TRPV1: variants seen among roughly 807,000 people sequenced by gnomAD.
TRPV1 encodes OTRPC1.
Under a neutral mutation model 82.3 loss-of-function variants are expected in TRPV1, and 82 were observed. That is an observed-to-expected ratio of 1.00 (90% CI 0.83 to 1.20). The LOEUF (loss-of-function observed/expected upper bound fraction) is 1.20. Among genes scored for constraint, TRPV1 ranks in the 50% most tolerant of loss-of-function variants. The pLI, the probability that TRPV1 is intolerant of heterozygous loss-of-function variation, is 0.00. For missense variants in TRPV1, 1,067 were observed against 1,096.8 expected, an observed-to-expected ratio of 0.97 and a Z score of 0.38; for synonymous variants, 515 against 467.7, an observed-to-expected ratio of 1.10 and a Z score of -1.30.
chr17:3,577,947 G>C (rs573436032), intron 11 of TRPV1, 184 bp from the exon 12 acceptor site: 20 of 592,942 alleles, frequency 3.4e-5, no homozygotes, highest in Non-Finnish European at 5.6e-5. Context: ...CCAAGGAGCA[G>C]AAATTGGCTT....
At chr17:3,573,541 AC>A in intron 14 of TRPV1, 91 bp downstream of exon 14, 1 of 137,138 alleles carries the variant, frequency 7.3e-6, no homozygotes, top group African/African-American at 9.2e-5. Context: ...CGCCCCCACC[AC>A]CCACCCACCT....
chr17:3,591,718 C>T (rs771919103), intron 3 of TRPV1, among the ~76,000 whole-genome samples: 7 of 152,186 alleles, frequency 4.6e-5, no homozygotes, highest in Non-Finnish European at 1.0e-4. Flanking sequence ...TGGCCTCACA[C>T]TCCCCAGAAG....
chr17:3,589,400 C>G (rs184404002), intron 7 of TRPV1, among the ~76,000 whole-genome samples: 6 of 151,984 alleles, frequency 3.9e-5, no homozygotes, highest in Admixed American at 3.9e-4. Context: ...AGAGGTTTCA[C>G]CAGGTTGGTC....
chr17:3,592,804 G>A (rs912031677), intron 2 of TRPV1: 4 of 176,576 alleles, frequency 2.3e-5, no homozygotes, highest in Admixed American at 2.2e-4. Flanking sequence ...AATTCAGGGA[G>A]GATCTCGGTG....
chr17:3,583,681 C>G (rs558481420), intron 9 of TRPV1, among the ~76,000 whole-genome samples: 3 of 152,350 alleles, frequency 2.0e-5, no homozygotes, highest in Non-Finnish European at 4.4e-5. Context: ...CAAGCAATGT[C>G]CCGGCAGGCC....
At chr17:3,601,384 C>A (rs1383775369) in intron 2 of TRPV1, among the ~76,000 whole-genome samples, 1 of 151,952 alleles carries the variant, frequency 6.6e-6, no homozygotes, top group Admixed American at 6.6e-5. Context: ...ACCCCCGCAC[C>A]CTGAGCCCAC....
chr17:3,607,912 G>A (rs1212898791), intron 2 of TRPV1, among the ~76,000 whole-genome samples: 2 of 152,116 alleles, frequency 1.3e-5, no homozygotes, highest in African/African-American at 4.8e-5. Flanking sequence ...AGTTTGAGGT[G>A]TGACAGCAAA....
rs2075135475 is a variant in TRPV1, at chr17:3,589,969, C to T, written c.882G>A (p.Glu294=). ...VGNTVLHALV[E]VADNTADNTK... is the part of the protein sequence containing the mutation. ...TGTTGTCGGCCGTGTTGTCGGCCACCTCCACCAGGGCGTGCAGCACCGTGT... is the reference window on the plus strand; with the variant it reads ...TGTTGTCGGCCGTGTTGTCGGCCACTTCCACCAGGGCGTGCAGCACCGTGT... The change falls in exon 7 of 17, where the codon GAG becomes GAA. Residue 294 remains glutamate (E), a synonymous_variant. Coordinates refer to ENST00000572705, the MANE Select transcript of TRPV1 (RefSeq NM_080704.4). 1 of 1,562,722 alleles carries T rather than the reference C, an allele frequency of 6.4e-7. No homozygotes were observed. The highest frequency in any genetic ancestry group is 8.7e-7 in the Non-Finnish European group (1 of 1,153,988).
intron 13 of TRPV1, 106 bp from the exon 14 acceptor site, chr17:3,574,061 G>A: frequency 2.9e-6 from 3 of 1,039,720 alleles, no homozygotes; most frequent in Non-Finnish European, 4.1e-6. Flanking sequence ...TTTGTGACAA[G>A]TTATTTTTAA....
At position 3,573,532 on chromosome 17, in the gene TRPV1, G is replaced by GCCCCACCCCCCCCC; in HGVS notation, c.2103+100_2103+101insGGGGGGGGGTGGGG. The GCCCCACCCCCCCCC allele has an allele frequency of 1.6e-5, 4 of 257,074 alleles. 2 individuals carry two copies. Among genetic ancestry groups the GCCCCACCCCCCCCC allele is most frequent in the Non-Finnish European group, 3.1e-5 (4 of 130,288 alleles). 15.9% of individuals were successfully genotyped at this position (257,074 alleles called of 1,614,324 possible). A position where few individuals can be genotyped will look rare whatever the true frequency, so the allele number is the denominator to read the frequency against. ...GCCCATACCCTCCTGGCCACACACC[G>GCCCCACCCCCCCCC]CCCCCACCACCCACCCACCTGCAGC... On this transcript the variant is annotated intron_variant, in intron 14 of 16. Transcript: ENST00000572705.
In TRPV1 at chr17:3,576,675, A is replaced by ATATATATG. The variant is rs1555549469; in HGVS notation, c.1780+450_1780+451insCATATATA. Among the ~76,000 whole-genome samples, 7 of 108,784 alleles carry ATATATATG rather than the reference A, an allele frequency of 6.4e-5. No homozygotes were observed. In the East Asian group the frequency reaches 1.1e-3, roughly 17 times the overall value. 71.4% of individuals were successfully genotyped at this position (108,784 alleles called of 152,430 possible). A position where few individuals can be genotyped will look rare whatever the true frequency, so the allele number is the denominator to read the frequency against. ...TGAGAAAAAAAAAAAAAAAATATATATATATATATATATATGCATAAAAAC... is the reference window on the plus strand; with the variant it reads ...TGAGAAAAAAAAAAAAAAAATATATATATATATGTATATATATATATATGCATAAAAAC... On this transcript the variant is annotated intron_variant, in intron 13 of 16. Coordinates refer to ENST00000572705, the MANE Select transcript of TRPV1 (RefSeq NM_080704.4).
Position 3,572,156 on chromosome 17 carries a change from G to T in TRPV1, c.2197C>A (p.Pro733Thr), listed in dbSNP as rs1488272423. The T allele has an allele frequency of 1.2e-6, 2 of 1,613,738 alleles. No homozygotes were observed. Among genetic ancestry groups the T allele is most frequent in the Admixed American group, 1.7e-5 (1 of 59,996 alleles). Residue 733 changes from proline to threonine, a missense_variant, in exon 15 of 17, where the codon CCT becomes ACT. Pro to Thr is a conservative substitution (Grantham distance 38). Transcript: ENST00000572705. ...SGKLLQVGYT[P>T]DGKDDYRWCF... The stretch of plus-strand genomic sequence containing the variant: ...CACCGGTAGTCGTCCTTGCCATCAG[G>T]TGTGTACCCCACCTGCAGCAGCTTG...
chr17:3,606,966 C>T (rs1383198685), intron 2 of TRPV1, among the ~76,000 whole-genome samples: 1 of 152,186 alleles, frequency 6.6e-6, no homozygotes, highest in Non-Finnish European at 1.5e-5. Flanking sequence ...ACAAAGGACG[C>T]TGGTAAACTC....
intron 2 of TRPV1, among the ~76,000 whole-genome samples, chr17:3,593,450 CA>C (rs1392230199): frequency 6.6e-6 from 1 of 152,148 alleles, no homozygotes; most frequent in Non-Finnish European, 1.5e-5. Context: ...GCCCCATCCC[CA>C]TGCTTCCCCT....
chr17:3,582,851 T>TCAGGAGGGTGAGG (rs60876781), intron 10 of TRPV1, among the ~76,000 whole-genome samples: 1 of 150,554 alleles, frequency 6.6e-6, no homozygotes, highest in East Asian at 2.0e-4. Context: ...TCCCAGCTAC[T>TCAGGAGGGTGAGG]CAGGAGAATT....
rs2074893383 is a variant in TRPV1 at position 3,573,854 on chromosome 17, A to G, written c.1882T>C (p.Tyr628His). 6.2e-7 allele frequency: 1 copy of G among 1,604,130 alleles called. No homozygotes were observed. The highest frequency in any genetic ancestry group is 8.5e-7 in the Non-Finnish European group (1 of 1,174,336). ...GPACRPPDSS[Y>H]NSLYSTCLEL... ...AGGCAGGTGGAGTACAGGCTGTTGTAGGAGCTATCGGGGGGCCTGCAGGCA... is the reference window on the plus strand; with the variant it reads ...AGGCAGGTGGAGTACAGGCTGTTGTGGGAGCTATCGGGGGGCCTGCAGGCA... The change falls in exon 14 of 17, where the codon TAC becomes CAC. Residue 628 changes from tyrosine to histidine, a missense_variant. Physicochemically the swap from Tyr to His is moderately conservative, Grantham distance 83 (BLOSUM62 2). Transcript: ENST00000572705.
intron 10 of TRPV1, among the ~76,000 whole-genome samples, chr17:3,582,113 C>A (rs1204482420): frequency 6.9e-6 from 1 of 145,852 alleles, no homozygotes; most frequent in Non-Finnish European, 1.5e-5. Flanking sequence ...TGGCGTGAAC[C>A]CAGGAGGCGG....
intron 2 of TRPV1, chr17:3,597,041 G>GCCCGGC (rs2075226300): frequency 6.6e-6 from 1 of 152,360 alleles, no homozygotes; most frequent in African/African-American, 2.4e-5. Flanking sequence ...GGGGTCCCGG[G>GCCCGGC]CCCGGCCCTG....
chr17:3,577,173 C>T lies in TRPV1; in HGVS notation c.1733G>A (p.Cys578Tyr), dbSNP rs2074944332. 6 of 1,585,146 alleles carry T rather than the reference C, an allele frequency of 3.8e-6. No individual in the cohort carries two copies. The East Asian group carries it at 1.2e-4, about 30-fold the overall frequency. The change falls in exon 13 of 17, where the codon TGC (cysteine) becomes TAC (tyrosine). Residue 578 changes from cysteine (C) to tyrosine (Y), a missense_variant. Coordinates refer to ENST00000572705, the MANE Select transcript of TRPV1 (RefSeq NM_080704.4). ...MIEKMILRDL[C>Y]RFMFVYIVFL... ...GACGATGTAGACAAACATGAAACGG[C>T]ACAGGTCTCTCAGGATCATCTGCAG...
Sources: allele counts gnomAD v4.1 joint callset (sites outside exome capture counted in the v4.1 genomes callset), GRCh38; gene constraint gnomAD v4.1.1; transcripts MANE v1.5; gene names NCBI Gene and HGNC (gene_info 2026-07-23, HGNC 2026-07-21).